Variants in DNAH3 observed in about 807,000 individuals in gnomAD.
DNAH3 encodes axonemal beta dynein heavy chain 3.
Under a neutral mutation model 432.5 loss-of-function variants are expected in DNAH3, and 332 were observed. The observed-to-expected ratio is 0.77, with a 90% confidence interval of 0.70 to 0.84. The LOEUF (loss-of-function observed/expected upper bound fraction) is 0.84, where lower values mean the gene tolerates loss of function less well. DNAH3 is among the 40% of genes least tolerant of loss of function. DNAH3 has a pLI of 0.00. For missense variants in DNAH3, 4,861 were observed against 5,114.0 expected (o/e 0.95, Z 1.51); for synonymous variants, 1,956 against 1,900.2 (o/e 1.03, Z -0.76).
intron 1 of DNAH3, among the ~76,000 whole-genome samples, chr16:21,152,790 C>G (rs889544717): frequency 2.0e-5 from 3 of 152,228 alleles, no homozygotes; most frequent in African/African-American, 7.2e-5. Context: ...GCTAGCCCAC[C>G]GGCGCTGCGC....
intron 44 of DNAH3, among the ~76,000 whole-genome samples, chr16:20,988,416 A>G (rs11861178): frequency 0.11 from 16,168 of 152,078 alleles, 1,091 homozygotes; most frequent in Middle Eastern, 0.15. Flanking sequence ...ATGTTGTATT[A>G]TATTACATTA....
At chr16:21,042,585 T>G (rs1321947309) in intron 31 of DNAH3, among the ~76,000 whole-genome samples, 1 of 152,222 alleles carries the variant, frequency 6.6e-6, no homozygotes, top group African/African-American at 2.4e-5. Context: ...GTACTTCTAC[T>G]ATAGACTTTT....
intron 5 of DNAH3, among the ~76,000 whole-genome samples, chr16:21,137,171 G>C (rs1321439657): frequency 1.3e-5 from 2 of 150,732 alleles, no homozygotes; most frequent in Non-Finnish European, 2.9e-5. Flanking sequence ...TCCTGATCCA[G>C]AGCTAGAATT....
intron 17 of DNAH3, among the ~76,000 whole-genome samples, chr16:21,098,011 C>G (rs1450498099): frequency 1.3e-5 from 2 of 152,154 alleles, no homozygotes; most frequent in Non-Finnish European, 2.9e-5. Context: ...GCATATGAAG[C>G]TCTTGACCAT....
chr16:20,956,724 T>G (rs1192310785), intron 54 of DNAH3, among the ~76,000 whole-genome samples: 1 of 152,144 alleles, frequency 6.6e-6, no homozygotes, highest in Non-Finnish European at 1.5e-5. Flanking sequence ...TTGTTTGTTT[T>G]TTAATTTATT....
intron 27 of DNAH3, among the ~76,000 whole-genome samples, chr16:21,057,220 C>A (rs1334937504): frequency 6.6e-6 from 1 of 151,972 alleles, no homozygotes; most frequent in East Asian, 1.9e-4. Flanking sequence ...ACCACCCTGG[C>A]CAACATAGTG....
Position 20,997,250 on chromosome 16 carries a change from G to C in DNAH3, c.6601+33C>G, listed in dbSNP as rs2086801058. 4 of 1,603,960 alleles carry C rather than the reference G, an allele frequency of 2.5e-6. No individual in the cohort carries two copies. The South Asian group carries it at 4.5e-5, about 18-fold the overall frequency. Reference sequence around the variant, plus strand: ...GTGGCCCAGCTCTGCTGGGGATGGAGGGAAAGAGGAATGAGCTCTTCCCTT... The same window carrying C: ...GTGGCCCAGCTCTGCTGGGGATGGACGGAAAGAGGAATGAGCTCTTCCCTT... On this transcript the variant is annotated intron_variant, in intron 44 of 61. Coordinates refer to ENST00000261383, the Ensembl canonical transcript of DNAH3.
chr16:20,986,159 T>A (rs1317014877), intron 47 of DNAH3, among the ~76,000 whole-genome samples: 1 of 151,398 alleles, frequency 6.6e-6, no homozygotes, highest in African/African-American at 2.4e-5. Context: ...CCCGGCCCAG[T>A]CTTTTTGTTT....
At chr16:20,980,230 T>TAATATACATCA (rs2085807370) in intron 49 of DNAH3, among the ~76,000 whole-genome samples, 2 of 136,116 alleles carry the variant, frequency 1.5e-5, no homozygotes, top group African/African-American at 5.4e-5. Flanking sequence ...TATTATTTAT[T>TAATATACATCA]TATATTATAT....
chr16:21,027,553 A>G (rs1597178605), intron 37 of DNAH3, among the ~76,000 whole-genome samples: 1 of 152,360 alleles, frequency 6.6e-6, no homozygotes, highest in African/African-American at 2.4e-5. Flanking sequence ...AAAGTATAAC[A>G]AAGAGGCTGA....
chr16:21,131,456 AAAGG>A lies in DNAH3; in HGVS notation c.1082+2799_1082+2802del, dbSNP rs146170477. ...GAAAGGAAGAAAGAAAGAAGGAAAG[AAAGG>A]AAGGAAGGAAGGAAGGAAGAAAGAA... is the stretch of plus-strand genomic sequence containing the variant. On this transcript the variant is annotated intron_variant, in intron 7 of 61. Coordinates refer to ENST00000261383, the Ensembl canonical transcript of DNAH3. 5.1e-3 allele frequency among the ~76,000 whole-genome samples: 631 copies of A among 122,658 alleles called. 5 individuals are homozygous for A. Among genetic ancestry groups the A allele is most frequent in the South Asian group, 8.6e-3 (30 of 3,472 alleles). 80.5% of individuals were successfully genotyped at this position (122,658 alleles called of 152,430 possible).
At chr16:20,974,600 T>TTTTG (rs1461817389) in intron 51 of DNAH3, among the ~76,000 whole-genome samples, 1 of 145,564 alleles carries the variant, frequency 6.9e-6, no homozygotes, top group African/African-American at 2.5e-5. Context: ...TTTTTTTTTT[T>TTTTG]TGTAGAGACA....
At chr16:21,058,307 C>A in intron 26 of DNAH3, 111 bp from the exon 27 acceptor site, 1 of 609,340 alleles carries the variant, frequency 1.6e-6, no homozygotes. Flanking sequence ...AAAATCTTCC[C>A]CCATCCTCAG....
At chr16:21,066,666 G>T (rs1266030384) in intron 24 of DNAH3, among the ~76,000 whole-genome samples, 1 of 152,126 alleles carries the variant, frequency 6.6e-6, no homozygotes. Flanking sequence ...ACCATGACCA[G>T]CCTGGAACTA....
At position 20,964,960 on chromosome 16, in the gene DNAH3, C is replaced by T. The variant is rs372450641; in HGVS notation, c.8924G>A (p.Gly2975Glu). Residue 2975 changes from glycine to glutamate, a missense_variant, in exon 53 of 62, where the codon GGG becomes GAG. Coordinates refer to ENST00000261383, the Ensembl canonical transcript of DNAH3. ...TTCGGTCCATCTGTCCTTCTCTCCC[C>T]CAAGACCACTGATCAGTTTCTCTGC... is the stretch of plus-strand genomic sequence containing the variant. 3.1e-6 allele frequency: 5 copies of T among 1,614,196 alleles called. No individual in the cohort carries two copies. In the South Asian group the frequency reaches 5.5e-5, roughly 18 times the overall value.
chr16:20,941,251 G>A, intron 59 of DNAH3, 150 bp downstream of exon 59: 1 of 797,762 alleles, frequency 1.3e-6, no homozygotes, highest in Non-Finnish European at 2.0e-6. Flanking sequence ...ATGTGCTGGG[G>A]ATGGTCCTAT....
intron 14 of DNAH3, 118 bp downstream of exon 14, chr16:21,111,508 A>C: frequency 9.4e-7 from 1 of 1,063,378 alleles, no homozygotes. Context: ...TTAGGGGCAG[A>C]AAAAACTTGA....
At chr16:21,150,118 A>G (rs11074485) in intron 1 of DNAH3, among the ~76,000 whole-genome samples, 172 bp downstream of exon 2, 71,116 of 150,942 alleles carry the variant, frequency 0.47, 17,198 homozygotes, top group East Asian at 0.68. Context: ...CCAGCTACTC[A>G]GGAGGCTGAG....
Position 21,128,181 on chromosome 16 carries a change from A to C in DNAH3, c.1083-369T>G, listed in dbSNP as rs1451911559. On this transcript the variant is annotated intron_variant, in intron 7 of 61. Transcript: ENST00000261383. ...GTTCTTTACAACAGTGAAGACCCAGAGGCCAGGACCAAGCAGAACATCTTC... is the reference window on the plus strand; with the variant it reads ...GTTCTTTACAACAGTGAAGACCCAGCGGCCAGGACCAAGCAGAACATCTTC... Among the ~76,000 whole-genome samples, 4 of 152,264 alleles carry C rather than the reference A, an allele frequency of 2.6e-5. No individual in the cohort carries two copies. The East Asian group carries it at 7.7e-4, about 29-fold the overall frequency.
Sources: allele counts gnomAD v4.1 joint callset (sites outside exome capture counted in the v4.1 genomes callset), GRCh38; gene constraint gnomAD v4.1.1; transcripts MANE v1.5; gene names NCBI Gene and HGNC (gene_info 2026-07-23, HGNC 2026-07-21).